The following SUPT3H variants were observed in gnomAD, a reference collection of about 807,000 sequenced individuals.
SUPT3H encodes transcription initiation protein SPT3 homolog.
In SUPT3H, 44 loss-of-function variants were observed where a neutral mutation model predicts 44.3. The ratio of observed to expected loss-of-function variants is 0.99; its 90% CI spans 0.78 to 1.28. The LOEUF is 1.28. Among genes scored for constraint, SUPT3H ranks in the 50% most tolerant of loss-of-function variants. The pLI, the probability that SUPT3H is intolerant of heterozygous loss-of-function variation, is 0.00. For missense variants in SUPT3H, 380 were observed against 387.1 expected (o/e 0.98, Z 0.15); for synonymous variants, 124 against 125.6 (o/e 0.99, Z 0.09).
chr6:45,122,003 A>G (rs1268904379), intron 2 of SUPT3H, among the ~76,000 whole-genome samples: 1 of 151,714 alleles, frequency 6.6e-6, no homozygotes, highest in African/African-American at 2.4e-5. Context: ...CTCTGAGTAA[A>G]GAAAGTTAAG....
At chr6:45,093,923 T>C (rs1230818131) in intron 3 of SUPT3H, among the ~76,000 whole-genome samples, 1 of 152,110 alleles carries the variant, frequency 6.6e-6, no homozygotes, top group African/African-American at 2.4e-5. Flanking sequence ...ATTCTACACA[T>C]ATTTAATAGA....
chr6:45,040,264 G>GTTTCCCTAA, intron 3 of SUPT3H, among the ~76,000 whole-genome samples: 1 of 152,238 alleles, frequency 6.6e-6, no homozygotes, highest in Non-Finnish European at 1.5e-5. Flanking sequence ...TGGCCCATGG[G>GTTTCCCTAA]GCTGTAGTTT....
chr6:45,343,484 CT>C (rs1790242075), intron 2 of SUPT3H, among the ~76,000 whole-genome samples: 2 of 152,144 alleles, frequency 1.3e-5, no homozygotes, highest in African/African-American at 4.8e-5. Flanking sequence ...CAAAAGGCAG[CT>C]TTTCAAACCT....
chr6:44,969,464 T>G (rs1185896358), intron 6 of SUPT3H, among the ~76,000 whole-genome samples: 1 of 152,090 alleles, frequency 6.6e-6, no homozygotes, highest in East Asian at 1.9e-4. Context: ...TAAAGAAATC[T>G]TCTTTCCTCT....
intron 4 of SUPT3H, among the ~76,000 whole-genome samples, chr6:45,015,716 TCTATAAA>T (rs752945347): frequency 6.6e-6 from 1 of 152,084 alleles, no homozygotes; most frequent in Non-Finnish European, 1.5e-5. Flanking sequence ...ATATCCTTAT[TCTATAAA>T]CTTTTTTCTA....
intron 3 of SUPT3H, among the ~76,000 whole-genome samples, chr6:45,044,984 C>T (rs1224907731): frequency 6.6e-6 from 1 of 152,112 alleles, no homozygotes; most frequent in African/African-American, 2.4e-5. Context: ...TAGCAGTTCT[C>T]AATTTCATAT....
At position 45,158,298 on chromosome 6, in the gene SUPT3H, A is replaced by ATATATATATATATAT; in HGVS notation, c.102-52293_102-52292insATATATATATATATA. On this transcript the variant is annotated intron_variant, in intron 2 of 10. Transcript: ENST00000371459. Reference sequence around the variant, plus strand: ...TACATATATATATATATATATATATATTTTTTTTTTTTTTTTTTTGAGATG... The same window carrying ATATATATATATATAT: ...TACATATATATATATATATATATATATATATATATATATATTTTTTTTTTTTTTTTTTTTGAGATG... Among the ~76,000 whole-genome samples the ATATATATATATATAT allele has an allele frequency of 1.8e-4, 18 of 99,686 alleles. 2 individuals are homozygous for ATATATATATATATAT. Among genetic ancestry groups the ATATATATATATATAT allele is most frequent in the African/African-American group, 9.0e-4 (18 of 19,980 alleles). 65.4% of individuals were successfully genotyped at this position (99,686 alleles called of 152,430 possible).
At chr6:44,816,959 G>A (rs918547279) in intron 11 of SUPT3H, among the ~76,000 whole-genome samples, 2 of 152,094 alleles carry the variant, frequency 1.3e-5, no homozygotes, top group African/African-American at 2.4e-5. Context: ...TGTTTGGGAG[G>A]CTGAGGCGAG....
intron 2 of SUPT3H, among the ~76,000 whole-genome samples, chr6:45,322,238 T>A (rs1381826934): frequency 1.3e-5 from 2 of 151,892 alleles, no homozygotes; most frequent in African/African-American, 4.8e-5. Context: ...AAAGACTGAA[T>A]AACACGTATA....
chr6:45,268,995 TG>T (rs1442090191), intron 2 of SUPT3H, among the ~76,000 whole-genome samples: 1 of 152,176 alleles, frequency 6.6e-6, no homozygotes, highest in Non-Finnish European at 1.5e-5. Context: ...AAGAGAGACA[TG>T]AACATTATAA....
intron 2 of SUPT3H, among the ~76,000 whole-genome samples, chr6:45,268,058 C>A (rs754984963): frequency 6.4e-4 from 97 of 152,106 alleles, no homozygotes; most frequent in Admixed American, 2.6e-3. Context: ...AAAATTAGTT[C>A]TCTTTCCATA....
At chr6:45,112,897 C>G (rs570889905) in intron 2 of SUPT3H, among the ~76,000 whole-genome samples, 3 of 151,116 alleles carry the variant, frequency 2.0e-5, no homozygotes, top group Admixed American at 6.6e-5. Context: ...GCTACAGACT[C>G]TAATGTGGTT....
intron 10 of SUPT3H, among the ~76,000 whole-genome samples, chr6:44,856,734 C>T (rs768087489): frequency 2.0e-5 from 3 of 152,278 alleles, no homozygotes; most frequent in South Asian, 2.1e-4. Context: ...ATTAAACAAA[C>T]GCCTTATAAA....
intron 2 of SUPT3H, among the ~76,000 whole-genome samples, chr6:45,126,217 G>GTTCCCA (rs1802409468): frequency 6.6e-6 from 1 of 152,176 alleles, no homozygotes. Flanking sequence ...ATTTAAAACA[G>GTTCCCA]TTCCCATTTA....
intron 4 of SUPT3H, among the ~76,000 whole-genome samples, chr6:45,015,925 C>A (rs1371226141): frequency 6.6e-6 from 1 of 152,026 alleles, no homozygotes; most frequent in East Asian, 1.9e-4. Flanking sequence ...GAACTGTCAG[C>A]TCCCTTGATA....
At chr6:45,133,334 C>T (rs1803772414) in intron 2 of SUPT3H, among the ~76,000 whole-genome samples, 1 of 152,152 alleles carries the variant, frequency 6.6e-6, no homozygotes, top group Admixed American at 6.5e-5. Flanking sequence ...CTCTTTCCTT[C>T]CCCAGCAGAA....
Position 45,317,892 on chromosome 6 carries a change from G to T in SUPT3H, c.101+47309C>A, listed in dbSNP as rs531349368. Among the ~76,000 whole-genome samples, 12 of 152,154 alleles carry T rather than the reference G, an allele frequency of 7.9e-5. No homozygotes were observed. The South Asian group carries it at 2.5e-3, about 32-fold the overall frequency. On this transcript the variant is annotated intron_variant, in intron 2 of 10. Transcript: ENST00000371459. Reference sequence around the variant, plus strand: ...CAGAACAAAGAAAACAATCAACAGAGTAAAGAAACAAGCATACAGAATGAG... The same window carrying T: ...CAGAACAAAGAAAACAATCAACAGATTAAAGAAACAAGCATACAGAATGAG...
At chr6:45,046,503 G>A (rs1041169906) in intron 3 of SUPT3H, among the ~76,000 whole-genome samples, 6 of 152,040 alleles carry the variant, frequency 3.9e-5, no homozygotes, top group Middle Eastern at 3.2e-3. Flanking sequence ...GCTAATATTT[G>A]TATTTTTAGT....
At chr6:45,220,460 A>C (rs1363445273) in intron 2 of SUPT3H, among the ~76,000 whole-genome samples, 1 of 152,178 alleles carries the variant, frequency 6.6e-6, no homozygotes, top group Non-Finnish European at 1.5e-5. Flanking sequence ...ATGACAGCTA[A>C]AATTATTCAT....
Sources: allele counts gnomAD v4.1 joint callset (sites outside exome capture counted in the v4.1 genomes callset), GRCh38; gene constraint gnomAD v4.1.1; transcripts MANE v1.5; gene names NCBI Gene and HGNC (gene_info 2026-07-23, HGNC 2026-07-21).